The following CHN1 variants were observed in gnomAD, a reference collection of about 807,000 sequenced individuals.
CHN1 encodes the protein N-chimaerin.
In CHN1, 37 loss-of-function variants were observed where a neutral mutation model predicts 59.5. That is an observed-to-expected ratio of 0.62 (90% CI 0.48 to 0.82). The LOEUF (loss-of-function observed/expected upper bound fraction) is 0.82, where lower values mean the gene tolerates loss of function less well. Ranked by LOEUF, CHN1 falls within the 40% of genes least tolerant of loss-of-function variation. The pLI is 0.00. For synonymous variants in CHN1, 206 were observed against 200.4 expected (o/e 1.03, Z -0.24); for missense variants, 469 against 571.0 (o/e 0.82, Z 1.82).
intron 6 of CHN1, among the ~76,000 whole-genome samples, chr2:174,857,006 T>C (rs1246439659): frequency 5.9e-5 from 9 of 152,106 alleles, no homozygotes; most frequent in Admixed American, 4.6e-4. Flanking sequence ...ATGAAACTCA[T>C]AGGTAAATCA....
chr2:174,932,024 A>G (rs909857026), intron 3 of CHN1, among the ~76,000 whole-genome samples: 17 of 152,304 alleles, frequency 1.1e-4, no homozygotes, highest in East Asian at 5.8e-4. Flanking sequence ...GGGAAAGCCA[A>G]TGGAGAGTTC....
chr2:174,977,756 C>T (rs770211367), intron 1 of CHN1, among the ~76,000 whole-genome samples: 18 of 152,134 alleles, frequency 1.2e-4, no homozygotes, highest in Non-Finnish European at 1.9e-4. Flanking sequence ...ATGAGGCTTA[C>T]ATTTCTAAAG....
At chr2:174,850,659 C>T (rs893563527) in intron 6 of CHN1, among the ~76,000 whole-genome samples, 6 of 152,122 alleles carry the variant, frequency 3.9e-5, no homozygotes, top group African/African-American at 1.2e-4. Flanking sequence ...CTGTAATCTG[C>T]TTTAGGTCTA....
intron 11 of CHN1, among the ~76,000 whole-genome samples, chr2:174,803,302 CAAT>C (rs1290602460): frequency 1.3e-5 from 2 of 152,162 alleles, no homozygotes; most frequent in African/African-American, 2.4e-5. Context: ...AGAAACTGAA[CAAT>C]GACTGAAGCT....
intron 5 of CHN1, among the ~76,000 whole-genome samples, chr2:174,911,169 A>C (rs1688692175): frequency 6.6e-6 from 1 of 152,204 alleles, no homozygotes; most frequent in Non-Finnish European, 1.5e-5. Context: ...AACTCAACCT[A>C]GTATTTTTTT....
chr2:174,975,289 AT>A (rs906793326), intron 1 of CHN1, among the ~76,000 whole-genome samples: 1 of 152,168 alleles, frequency 6.6e-6, no homozygotes, highest in Non-Finnish European at 1.5e-5. Context: ...CATTTCTTAG[AT>A]TTTTTTAATT....
chr2:174,976,080 C>T (rs1200964020), intron 1 of CHN1, among the ~76,000 whole-genome samples: 1 of 117,560 alleles, frequency 8.5e-6, no homozygotes, highest in Admixed American at 1.2e-4. Flanking sequence ...GAGCAGAGAT[C>T]GCGCCACTGC....
At chr2:174,829,748 T>C (rs950226314) in intron 7 of CHN1, among the ~76,000 whole-genome samples, 2 of 152,152 alleles carry the variant, frequency 1.3e-5, no homozygotes, top group East Asian at 1.9e-4. Flanking sequence ...AGCTTCTCAT[T>C]TGGGACTGTG....
intron 5 of CHN1, among the ~76,000 whole-genome samples, chr2:174,894,356 A>G (rs1420986368): frequency 3.3e-5 from 5 of 152,202 alleles, no homozygotes; most frequent in Non-Finnish European, 7.4e-5. Flanking sequence ...AATGACAAAC[A>G]AGCATATGAA....
At chr2:174,980,814 T>A (rs1220586253) in intron 1 of CHN1, among the ~76,000 whole-genome samples, 1 of 152,200 alleles carries the variant, frequency 6.6e-6, no homozygotes, top group South Asian at 2.1e-4. Flanking sequence ...AAAAACTACA[T>A]TGAAATTATC....
rs141962995 is a variant in CHN1 at position 174,956,656 on chromosome 2, A to T, written c.20-4454T>A. 4.4e-3 allele frequency among the ~76,000 whole-genome samples: 667 copies of T among 151,960 alleles called. 5 individuals carry two copies. Among genetic ancestry groups the T allele is most frequent in the African/African-American group, 0.015 (630 of 41,452 alleles). Reference sequence around the variant, plus strand: ...GCGTGGTGGCAGGTACCTGTACCCCAGCTACTCAGGAGGCTGAGGCAGGGA... The same window carrying T: ...GCGTGGTGGCAGGTACCTGTACCCCTGCTACTCAGGAGGCTGAGGCAGGGA... On this transcript the variant is annotated intron_variant, in intron 1 of 12. Transcript: ENST00000409900.
chr2:175,003,682 T>A (rs918024655), intron 1 of CHN1, among the ~76,000 whole-genome samples: 2 of 152,224 alleles, frequency 1.3e-5, no homozygotes, highest in African/African-American at 4.8e-5. Context: ...TTAAAGTACC[T>A]ATGGAGGATC....
At position 174,976,062 on chromosome 2, in the gene CHN1, CT is replaced by C. The variant is rs199789981; in HGVS notation, c.20-23861del. Among the ~76,000 whole-genome samples the C allele has an allele frequency of 4.8e-4, 58 of 120,732 alleles. 1 individual carries two copies. In the East Asian group the frequency reaches 0.016, roughly 33 times the overall value. 79.2% of individuals were successfully genotyped at this position (120,732 alleles called of 152,430 possible). On this transcript the variant is annotated intron_variant, in intron 1 of 12. Coordinates refer to ENST00000409900, the MANE Select transcript of CHN1 (RefSeq NM_001822.7). ...AATGGTGTGAACCCGGGAGGCGGAG[CT>C]TGCAGTGAGCAGAGATCGCGCCACT...
intron 6 of CHN1, among the ~76,000 whole-genome samples, chr2:174,874,140 T>C (rs1293529183): frequency 6.6e-6 from 1 of 152,224 alleles, no homozygotes; most frequent in East Asian, 1.9e-4. Flanking sequence ...GAAATTATAT[T>C]ATTAAGTGTA....
At chr2:174,920,691 A>T (rs1688990104) in intron 3 of CHN1, among the ~76,000 whole-genome samples, 1 of 152,200 alleles carries the variant, frequency 6.6e-6, no homozygotes, top group African/African-American at 2.4e-5. Flanking sequence ...ATAAAAAATT[A>T]TGCATCATCT....
intron 1 of CHN1, among the ~76,000 whole-genome samples, chr2:174,974,503 GAATT>G (rs1690856693): frequency 6.6e-6 from 1 of 152,094 alleles, no homozygotes; most frequent in Admixed American, 6.5e-5. Context: ...CTGCAAGAGA[GAATT>G]ATTTATCTCT....
At chr2:174,826,399 T>A (rs1390470783) in intron 7 of CHN1, among the ~76,000 whole-genome samples, 2 of 152,216 alleles carry the variant, frequency 1.3e-5, no homozygotes, top group Non-Finnish European at 2.9e-5. Flanking sequence ...TATATAATCA[T>A]GAAACAGCAA....
At position 174,849,360 on chromosome 2, in the gene CHN1, T is replaced by A. The variant is rs576801281; in HGVS notation, c.550-2403A>T. On this transcript the variant is annotated intron_variant, in intron 6 of 12. Transcript: ENST00000409900. ...AATGTTCTATTTAGTCAAGAAATTCTGGATTAACTGCAATCTGAGCAGCTA... is the reference window on the plus strand; with the variant it reads ...AATGTTCTATTTAGTCAAGAAATTCAGGATTAACTGCAATCTGAGCAGCTA... Among the ~76,000 whole-genome samples, 14 of 152,300 alleles carry A rather than the reference T, an allele frequency of 9.2e-5. No individual in the cohort carries two copies. In the South Asian group the frequency reaches 1.0e-3, roughly 11 times the overall value.
intron 6 of CHN1, among the ~76,000 whole-genome samples, chr2:174,852,222 G>A (rs968700045): frequency 7.9e-5 from 12 of 152,152 alleles, no homozygotes; most frequent in African/African-American, 2.7e-4. Context: ...CTGGGAGGCA[G>A]TGGTTGCAGT....
Sources: allele counts gnomAD v4.1 joint callset (sites outside exome capture counted in the v4.1 genomes callset), GRCh38; gene constraint gnomAD v4.1.1; transcripts MANE v1.5; gene names NCBI Gene and HGNC (gene_info 2026-07-23, HGNC 2026-07-21).